The following YWHAE variants were observed in gnomAD, a reference collection of about 807,000 sequenced individuals.
YWHAE encodes the protein 14-3-3 protein epsilon.
A neutral mutation model predicts 30.1 loss-of-function variants in YWHAE; 4 were observed. The observed-to-expected ratio is 0.13, with a 90% CI of 0.07 to 0.30. The LOEUF is 0.30. Among genes scored for constraint, YWHAE ranks in the 10% least tolerant of loss-of-function variants. The probability of loss-of-function intolerance (pLI) is 1.00; values close to 1 mark genes in which losing one functional copy is unlikely to be tolerated. For synonymous variants in YWHAE, 118 were observed against 111.8 expected (o/e 1.06, Z -0.35); for missense variants, 121 against 315.9 (o/e 0.38, Z 4.68).
intron 1 of YWHAE, among the ~76,000 whole-genome samples, chr17:1,396,148 G>T (rs1288508152): frequency 6.6e-6 from 1 of 150,644 alleles, no homozygotes; most frequent in East Asian, 2.0e-4. Context: ...GACCAGGCGC[G>T]GTGGCTCAGG....
intron 2 of YWHAE, 169 bp downstream of exon 2, chr17:1,364,690 G>C (rs2072917278): frequency 1.2e-6 from 1 of 842,942 alleles, no homozygotes; most frequent in Non-Finnish European, 1.8e-6. Flanking sequence ...ATAGCCACGG[G>C]TAAGTTTAAC....
At chr17:1,350,136 G>A (rs1177400825) in intron 5 of YWHAE, among the ~76,000 whole-genome samples, 5 of 151,664 alleles carry the variant, frequency 3.3e-5, no homozygotes, top group Admixed American at 6.6e-5. Context: ...ATTTTTAGTA[G>A]AGATGGGGTT....
intron 5 of YWHAE, among the ~76,000 whole-genome samples, chr17:1,349,788 G>C (rs1440737278): frequency 6.6e-6 from 1 of 151,262 alleles, no homozygotes; most frequent in Non-Finnish European, 1.5e-5. Context: ...AATTTTTTTT[G>C]TATTTTTAGT....
chr17:1,390,584 CAA>C (rs1361709654), intron 1 of YWHAE, among the ~76,000 whole-genome samples: 1 of 152,172 alleles, frequency 6.6e-6, no homozygotes. Context: ...AATTAGTAGG[CAA>C]GAGAGACATC....
At chr17:1,371,670 AC>A (rs1392018548) in intron 1 of YWHAE, among the ~76,000 whole-genome samples, 1 of 151,932 alleles carries the variant, frequency 6.6e-6, no homozygotes, top group Non-Finnish European at 1.5e-5. Flanking sequence ...GGAGCTAGAC[AC>A]ACTGACTTCT....
At chr17:1,369,344 A>C (rs1293764015) in intron 1 of YWHAE, among the ~76,000 whole-genome samples, 2 of 152,114 alleles carry the variant, frequency 1.3e-5, no homozygotes, top group African/African-American at 2.4e-5. Flanking sequence ...AAATACAAAA[A>C]TTAGCTGGGC....
chr17:1,399,684 G>C (rs1205370800), intron 1 of YWHAE: 2 of 440,088 alleles, frequency 4.5e-6, no homozygotes, highest in Non-Finnish European at 8.4e-6. Context: ...CACATCCCAA[G>C]GCCGTCCCAG....
At chr17:1,354,618 A>C (rs1250984610) in intron 4 of YWHAE, among the ~76,000 whole-genome samples, 1 of 152,182 alleles carries the variant, frequency 6.6e-6, no homozygotes, top group African/African-American at 2.4e-5. Flanking sequence ...ATCACCAAAA[A>C]ATATACCTCC....
intron 1 of YWHAE, among the ~76,000 whole-genome samples, chr17:1,366,187 G>A (rs937468939): frequency 2.7e-5 from 4 of 147,580 alleles, no homozygotes; most frequent in East Asian, 3.9e-4. Context: ...CTGCACTCCA[G>A]CCCAGCAACA....
At chr17:1,378,553 CAAAT>C (rs1456687774) in intron 1 of YWHAE, among the ~76,000 whole-genome samples, 1 of 152,170 alleles carries the variant, frequency 6.6e-6, no homozygotes, top group Non-Finnish European at 1.5e-5. Flanking sequence ...ATCACACTGA[CAAAT>C]AATCTGGGAA....
intron 1 of YWHAE, among the ~76,000 whole-genome samples, chr17:1,381,905 T>A (rs2073213145): frequency 1.1e-5 from 1 of 89,924 alleles, no homozygotes. Flanking sequence ...AGAGCGACAC[T>A]ATGTCAAAAA....
At chr17:1,379,952 C>G (rs1354409196) in intron 1 of YWHAE, among the ~76,000 whole-genome samples, 7 of 152,136 alleles carry the variant, frequency 4.6e-5, no homozygotes, top group Non-Finnish European at 8.8e-5. Flanking sequence ...AGGCCCTATT[C>G]TAGTCTACTA....
At chr17:1,371,914 C>T (rs932103258) in intron 1 of YWHAE, among the ~76,000 whole-genome samples, 1 of 151,192 alleles carries the variant, frequency 6.6e-6, no homozygotes, top group Non-Finnish European at 1.5e-5. Context: ...TCTCAGCTCA[C>T]TGCAACCTCC....
chr17:1,351,623 T>C (rs1414665987), intron 5 of YWHAE, among the ~76,000 whole-genome samples: 3 of 152,138 alleles, frequency 2.0e-5, no homozygotes, highest in Non-Finnish European at 4.4e-5. Flanking sequence ...TTCATAATTG[T>C]TGTTACAACT....
intron 1 of YWHAE, chr17:1,399,105 C>G (rs1046607651): frequency 6.6e-6 from 1 of 152,130 alleles, no homozygotes; most frequent in Non-Finnish European, 1.5e-5. Context: ...ACGGTGCGCA[C>G]AAACTGTAAA....
rs145213816 is a variant in YWHAE, at chr17:1,350,785, C to G, written c.715+3426G>C. On this transcript the variant is annotated intron_variant, in intron 5 of 5. Transcript: ENST00000264335. ...ATAATAATAAAAAAAAATGGCCAGG[C>G]GCAGTGGCTCACGCCTGTAATCCAA... Among the ~76,000 whole-genome samples, 1,136 of 151,632 alleles carry G rather than the reference C, an allele frequency of 7.5e-3. 7 individuals carry two copies. Among genetic ancestry groups the G allele is most frequent in the Non-Finnish European group, 0.011 (752 of 67,938 alleles).
At chr17:1,353,210 G>C (rs147902497) in intron 5 of YWHAE, among the ~76,000 whole-genome samples, 1 of 151,968 alleles carries the variant, frequency 6.6e-6, no homozygotes, top group African/African-American at 2.4e-5. Context: ...AGGCCGAGGC[G>C]GGTGGATCAC....
At chr17:1,355,305 C>T (rs563184049) in intron 4 of YWHAE, among the ~76,000 whole-genome samples, 11 of 150,302 alleles carry the variant, frequency 7.3e-5, no homozygotes, top group Non-Finnish European at 1.3e-4. Context: ...TACAGGCGCC[C>T]GCCACCACAC....
intron 1 of YWHAE, among the ~76,000 whole-genome samples, chr17:1,384,476 C>T (rs558579805): frequency 6.7e-5 from 10 of 149,354 alleles, no homozygotes; most frequent in East Asian, 2.1e-4. Flanking sequence ...CAGATCACAA[C>T]GTCAGGAGAT....
Sources: gnomAD v4.1 joint callset for allele counts (sites outside exome capture counted in the v4.1 genomes callset) on GRCh38, gnomAD v4.1.1 for gene constraint, MANE v1.5 for transcripts, NCBI Gene and HGNC (gene_info 2026-07-23, HGNC 2026-07-21) for gene names.